Variants in ACACB observed in about 807,000 individuals in gnomAD.
ACACB encodes the protein acetyl-CoA carboxylase beta.
Under a neutral mutation model 278.8 loss-of-function variants are expected in ACACB, and 209 were observed. That is an observed-to-expected ratio of 0.75 (90% CI 0.67 to 0.84). The LOEUF (loss-of-function observed/expected upper bound fraction) is 0.84. ACACB is among the 40% of genes least tolerant of loss of function. ACACB has a pLI of 0.00. For missense variants in ACACB, 2,850 were observed against 3,269.0 expected (o/e 0.87, Z 3.13); for synonymous variants, 1,174 against 1,285.6 (o/e 0.91, Z 1.86).
Position 109,256,123 on chromosome 12 carries a change from T to C in ACACB, c.6167-17T>C. 6.2e-7 allele frequency: 1 copy of C among 1,609,658 alleles called. No homozygotes were observed. Among genetic ancestry groups the C allele is most frequent in the Non-Finnish European group, 8.5e-7 (1 of 1,176,482 alleles). On this transcript the variant is annotated splice_polypyrimidine_tract_variant and intron_variant, in intron 44 of 52. Transcript: ENST00000338432. ...CACCTGGCCCTCCAGCCTGGGCTTC[T>C]GCCCTTCTGTCCACAGCTCTGAAGG...
At chr12:109,158,975 G>C (rs200563031) in intron 2 of ACACB, among the ~76,000 whole-genome samples, 1 of 151,974 alleles carries the variant, frequency 6.6e-6, no homozygotes, top group Middle Eastern at 3.4e-3. Context: ...ACTCCCTTTC[G>C]AAACAAACGA....
intron 27 of ACACB, 125 bp from the exon 28 acceptor site, chr12:109,227,246 G>A (rs764725396): frequency 2.0e-5 from 17 of 857,988 alleles, no homozygotes; most frequent in Non-Finnish European, 2.9e-5. Context: ...CACTGCACCC[G>A]GCCTGCTTAC....
intron 2 of ACACB, among the ~76,000 whole-genome samples, chr12:109,140,316 TTCCTTCCTTCCTTCCTTCCTTCC>T (rs2043087215): frequency 6.9e-6 from 1 of 144,394 alleles, no homozygotes; most frequent in South Asian, 2.3e-4. Flanking sequence ...CCTTCCTTCC[TTCCTTCCTTCCTTCCTTCCTTCC>T]TTCCTTCCTT....
intron 2 of ACACB, among the ~76,000 whole-genome samples, chr12:109,156,994 A>C (rs1289332136): frequency 6.6e-6 from 1 of 152,044 alleles, no homozygotes; most frequent in Non-Finnish European, 1.5e-5. Context: ...CCCATTTCAC[A>C]AACCACTTTA....
intron 4 of ACACB, among the ~76,000 whole-genome samples, chr12:109,170,906 G>A (rs901510003): frequency 2.0e-5 from 3 of 151,226 alleles, no homozygotes; most frequent in Non-Finnish European, 2.9e-5. Flanking sequence ...ACATGATCAC[G>A]ACTCATTGTA....
In ACACB at chr12:109,254,158, G is replaced by C. The variant is rs1447811751; in HGVS notation, c.6046-56G>C. The C allele has an allele frequency of 2.5e-6, 4 of 1,601,620 alleles. No homozygotes were observed. The Admixed American group carries it at 6.7e-5, about 27-fold the overall frequency. The stretch of plus-strand genomic sequence containing the variant: ...AGTCAGAGGAGCAAAGTGCTGATCA[G>C]AGGTATTATTGACAAGCACCACAGA... On this transcript the variant is annotated intron_variant, in intron 43 of 52. Coordinates refer to ENST00000338432, the MANE Select transcript of ACACB (RefSeq NM_001093.4).
intron 7 of ACACB, among the ~76,000 whole-genome samples, chr12:109,174,724 A>G (rs1161150981): frequency 6.6e-6 from 1 of 151,832 alleles, no homozygotes; most frequent in East Asian, 1.9e-4. Context: ...AAAAAAATTA[A>G]CTGGTTATGG....
chr12:109,238,892 GT>G (rs960959404), intron 34 of ACACB, among the ~76,000 whole-genome samples: 2 of 149,258 alleles, frequency 1.3e-5, no homozygotes, highest in Non-Finnish European at 3.0e-5. Flanking sequence ...GCTAACTGCA[GT>G]TTTTTTGCTA....
intron 22 of ACACB, among the ~76,000 whole-genome samples, chr12:109,215,765 CA>C (rs914624632): frequency 2.6e-4 from 38 of 144,460 alleles, no homozygotes; most frequent in Admixed American, 4.1e-4. Flanking sequence ...GACTCTGTTT[CA>C]AAAAAAAAAA....
At chr12:109,240,067 A>C in intron 35 of ACACB, 82 bp downstream of exon 35, 4 of 1,488,844 alleles carry the variant, frequency 2.7e-6, no homozygotes, top group Non-Finnish European at 3.6e-6. Context: ...GTCTCTTGCC[A>C]CTCAAGACCT....
At chr12:109,124,805 G>C (rs1167066372) in intron 1 of ACACB, among the ~76,000 whole-genome samples, 1 of 152,052 alleles carries the variant, frequency 6.6e-6, no homozygotes, top group Non-Finnish European at 1.5e-5. Flanking sequence ...ACCTCAACTT[G>C]TCAGGTTCAA....
At chr12:109,149,330 GC>G (rs2043314565) in intron 2 of ACACB, among the ~76,000 whole-genome samples, 1 of 152,150 alleles carries the variant, frequency 6.6e-6, no homozygotes, top group Non-Finnish European at 1.5e-5. Context: ...CTTCTCAGGG[GC>G]CAGACTGGAC....
intron 2 of ACACB, among the ~76,000 whole-genome samples, chr12:109,142,093 T>A (rs1412292871): frequency 1.3e-5 from 2 of 150,062 alleles, no homozygotes; most frequent in Admixed American, 1.3e-4. Context: ...AAAAAAAAAA[T>A]TAAGAATTTG....
At chr12:109,124,684 T>C (rs1363059724) in intron 1 of ACACB, among the ~76,000 whole-genome samples, 1 of 152,160 alleles carries the variant, frequency 6.6e-6, no homozygotes, top group East Asian at 1.9e-4. Flanking sequence ...TTAGCTCTTG[T>C]TGTTTTTTGT....
intron 26 of ACACB, 102 bp from the exon 27 acceptor site, chr12:109,223,713 G>C (rs1003346645): frequency 1.8e-6 from 2 of 1,091,100 alleles, no homozygotes; most frequent in Non-Finnish European, 2.8e-6. Flanking sequence ...GGTGAGCTAT[G>C]ATCACACCAC....
chr12:109,147,220 G>C (rs1158916245), intron 2 of ACACB, among the ~76,000 whole-genome samples: 1 of 151,606 alleles, frequency 6.6e-6, no homozygotes, highest in Non-Finnish European at 1.5e-5. Context: ...GATTATGTCT[G>C]TTTTTGTTTG....
chr12:109,210,361 ATATG>A (rs1382452458), intron 21 of ACACB, among the ~76,000 whole-genome samples: 2 of 139,006 alleles, frequency 1.4e-5, no homozygotes, highest in South Asian at 2.2e-4. Context: ...ATCTGTGTAT[ATATG>A]TATATACACG....
Position 109,139,379 on chromosome 12 carries a change from C to T in ACACB, c.-9-18C>T, listed in dbSNP as rs1010623826. 4 of 1,589,416 alleles carry T rather than the reference C, an allele frequency of 2.5e-6. No homozygotes were observed. The highest frequency in any genetic ancestry group is 2.2e-5 in the East Asian group (1 of 44,632). On this transcript the variant is annotated intron_variant, in intron 1 of 52. Transcript: ENST00000338432. ...TGATTATGTAAATCCTAAAATGTCTCTCCTTTTCTCCTTACAGATTTTCTG... is the reference window on the plus strand; with the variant it reads ...TGATTATGTAAATCCTAAAATGTCTTTCCTTTTCTCCTTACAGATTTTCTG...
intron 35 of ACACB, among the ~76,000 whole-genome samples, chr12:109,240,314 G>A (rs540649490): frequency 3.1e-4 from 47 of 152,246 alleles, no homozygotes; most frequent in African/African-American, 9.4e-4. Context: ...CGTGAGGTCT[G>A]TGGCTGAATG....
Sources: allele counts gnomAD v4.1 joint callset (sites outside exome capture counted in the v4.1 genomes callset), GRCh38; gene constraint gnomAD v4.1.1; transcripts MANE v1.5; gene names NCBI Gene and HGNC (gene_info 2026-07-23, HGNC 2026-07-21).